CLSTN2: variants seen among roughly 807,000 people sequenced by gnomAD.
The protein encoded by CLSTN2 is calsyntenin-2.
In CLSTN2, 48 loss-of-function variants were observed where a neutral mutation model predicts 101.2. That is an observed-to-expected ratio of 0.47 (90% CI 0.38 to 0.60). The LOEUF (loss-of-function observed/expected upper bound fraction) is 0.60, where lower values mean the gene tolerates loss of function less well. CLSTN2 is among the 20% of genes least tolerant of loss of function. The pLI is 0.00. For missense variants in CLSTN2, 1,160 were observed against 1,238.2 expected (o/e 0.94, Z 0.95); for synonymous variants, 481 against 463.6 (o/e 1.04, Z -0.48).
intron 1 of CLSTN2, among the ~76,000 whole-genome samples, chr3:140,120,170 A>C (rs2009316038): frequency 6.6e-6 from 1 of 152,124 alleles, no homozygotes; most frequent in South Asian, 2.1e-4. Context: ...CCACCACCCC[A>C]GATACTAGCC....
At chr3:140,191,392 G>C (rs1444500551) in intron 2 of CLSTN2, among the ~76,000 whole-genome samples, 1 of 151,932 alleles carries the variant, frequency 6.6e-6, no homozygotes. Context: ...CTATTGTCTA[G>C]TTTTATGTCA....
At chr3:140,492,021 C>A (rs1189647358) in intron 8 of CLSTN2, among the ~76,000 whole-genome samples, 1 of 152,098 alleles carries the variant, frequency 6.6e-6, no homozygotes, top group East Asian at 1.9e-4. Context: ...CAAAAAAGCC[C>A]TTTAAGAAAC....
intron 2 of CLSTN2, among the ~76,000 whole-genome samples, chr3:140,251,008 G>A (rs929247734): frequency 1.3e-5 from 2 of 152,186 alleles, no homozygotes; most frequent in African/African-American, 4.8e-5. Flanking sequence ...GTTTCCATGT[G>A]GCGGATATGT....
At chr3:140,485,991 C>T (rs539590805) in intron 8 of CLSTN2, among the ~76,000 whole-genome samples, 14 of 152,122 alleles carry the variant, frequency 9.2e-5, no homozygotes, top group African/African-American at 1.2e-4. Flanking sequence ...GAGATGAACT[C>T]GGTACCTCAG....
At chr3:140,261,090 A>AC (rs1254532977) in intron 2 of CLSTN2, among the ~76,000 whole-genome samples, 5 of 151,852 alleles carry the variant, frequency 3.3e-5, no homozygotes, top group African/African-American at 9.7e-5. Flanking sequence ...AAAGTTACTC[A>AC]TTTTTCCCTG....
chr3:140,545,102 T>C (rs1935561550), intron 9 of CLSTN2, among the ~76,000 whole-genome samples: 1 of 152,082 alleles, frequency 6.6e-6, no homozygotes, highest in South Asian at 2.1e-4. Context: ...GAATAGATTA[T>C]ATAAGGACCA....
At chr3:140,251,579 C>CTTCCTTTCCTTTCCTTTCCT (rs1559819480) in intron 2 of CLSTN2, among the ~76,000 whole-genome samples, 10 of 53,008 alleles carry the variant, frequency 1.9e-4, no homozygotes, top group South Asian at 6.1e-4. Flanking sequence ...CAACTCTTAG[C>CTTCCTTTCCTTTCCTTTCCT]TTCCGTTCCT....
chr3:140,509,701 GGAGACAGCACA>G (rs1934770742), intron 8 of CLSTN2, among the ~76,000 whole-genome samples: 1 of 152,152 alleles, frequency 6.6e-6, no homozygotes, highest in Admixed American at 6.5e-5. Context: ...GGCTCCTGCA[GGAGACAGCACA>G]GGGAATGCAC....
chr3:140,115,026 C>T (rs1167065867), intron 1 of CLSTN2, among the ~76,000 whole-genome samples: 4 of 152,182 alleles, frequency 2.6e-5, no homozygotes, highest in Non-Finnish European at 5.9e-5. Flanking sequence ...TGCATTATTA[C>T]AAGGCCTTTT....
chr3:140,402,537 T>C lies in CLSTN2; in HGVS notation c.233-1092T>C, dbSNP rs188150141. On this transcript the variant is annotated intron_variant, in intron 2 of 16. Transcript: ENST00000458420. ...GCAAGCATGCAATCATCTCATCCCTTCTCTTCACTGTGTCAGCTCTTACGA... is the reference window on the plus strand; with the variant it reads ...GCAAGCATGCAATCATCTCATCCCTCCTCTTCACTGTGTCAGCTCTTACGA... 4.1e-4 allele frequency among the ~76,000 whole-genome samples: 63 copies of C among 152,308 alleles called. No individual in the cohort carries two copies. The East Asian group carries it at 0.011, about 26-fold the overall frequency.
chr3:139,950,900 A>G (rs551050436), intron 1 of CLSTN2, among the ~76,000 whole-genome samples: 9 of 152,154 alleles, frequency 5.9e-5, no homozygotes, highest in Admixed American at 2.6e-4. Flanking sequence ...TACAGATGCA[A>G]ACAGATCTGT....
At chr3:140,023,408 CAG>C (rs764472050) in intron 1 of CLSTN2, among the ~76,000 whole-genome samples, 1 of 152,148 alleles carries the variant, frequency 6.6e-6, no homozygotes, top group Non-Finnish European at 1.5e-5. Context: ...AACAGGGAGT[CAG>C]GGGGTAGAGT....
At chr3:140,509,213 G>A (rs567614623) in intron 8 of CLSTN2, among the ~76,000 whole-genome samples, 10 of 152,294 alleles carry the variant, frequency 6.6e-5, no homozygotes, top group African/African-American at 2.4e-4. Flanking sequence ...TAGGTACATA[G>A]CAGGAGGACA....
chr3:140,072,107 A>AT (rs1158633416), intron 1 of CLSTN2, among the ~76,000 whole-genome samples: 3 of 152,158 alleles, frequency 2.0e-5, no homozygotes, highest in African/African-American at 4.8e-5. Context: ...TTGACCCAGC[A>AT]TTGCCGTATT....
intron 1 of CLSTN2, among the ~76,000 whole-genome samples, chr3:140,109,070 A>T (rs1191619176): frequency 6.6e-6 from 1 of 152,172 alleles, no homozygotes; most frequent in African/African-American, 2.4e-5. Context: ...ACTGGGATGG[A>T]TGGAAACCTA....
chr3:140,108,310 A>G (rs564789365), intron 1 of CLSTN2, among the ~76,000 whole-genome samples: 5 of 152,314 alleles, frequency 3.3e-5, no homozygotes, highest in Admixed American at 3.3e-4. Context: ...AGTACTTAAT[A>G]CTATATCACA....
intron 8 of CLSTN2, among the ~76,000 whole-genome samples, chr3:140,504,371 A>G (rs139956917): frequency 2.0e-5 from 3 of 152,196 alleles, no homozygotes; most frequent in Non-Finnish European, 2.9e-5. Flanking sequence ...ATGCCAAAAA[A>G]AAAAAGGTGG....
chr3:140,206,686 A>C (rs116810868), intron 2 of CLSTN2, among the ~76,000 whole-genome samples: 3,703 of 152,302 alleles, frequency 0.024, 145 homozygotes, highest in African/African-American at 0.083. Flanking sequence ...CCGAGGAGAG[A>C]GGCTGAGACT....
chr3:140,464,841 C>T lies in CLSTN2; in HGVS notation c.1223-1769C>T, dbSNP rs191298690. On this transcript the variant is annotated intron_variant, in intron 7 of 16. Coordinates refer to ENST00000458420, the MANE Select transcript of CLSTN2 (RefSeq NM_022131.3). Reference sequence around the variant, plus strand: ...CCAATCCAGACGCTAAAAATGGTCCCCCAGATGTTGGCCGAGGCCAGCCCT... The same window carrying T: ...CCAATCCAGACGCTAAAAATGGTCCTCCAGATGTTGGCCGAGGCCAGCCCT... Among the ~76,000 whole-genome samples the T allele has an allele frequency of 2.3e-3, 343 of 152,296 alleles. 2 individuals carry two copies. Among genetic ancestry groups the T allele is most frequent in the Non-Finnish European group, 3.9e-3 (263 of 68,026 alleles).
Sources: gnomAD v4.1 joint callset for allele counts (sites outside exome capture counted in the v4.1 genomes callset) on GRCh38, gnomAD v4.1.1 for gene constraint, MANE v1.5 for transcripts, NCBI Gene and HGNC (gene_info 2026-07-23, HGNC 2026-07-21) for gene names.